VSTM2A: variants seen among roughly 807,000 people sequenced by gnomAD.
VSTM2A encodes the protein V-set and transmembrane domain containing 2A.
Under a neutral mutation model 27.3 loss-of-function variants are expected in VSTM2A, and 13 were observed. The ratio of observed to expected loss-of-function variants is 0.48; its 90% confidence interval spans 0.31 to 0.76. The LOEUF is 0.76. VSTM2A is among the 30% of genes least tolerant of loss of function. VSTM2A has a pLI of 0.05. For synonymous variants in VSTM2A, 142 were observed against 125.7 expected (o/e 1.13, Z -0.87); for missense variants, 280 against 310.0 (o/e 0.90, Z 0.73).
chr7:54,549,988 A>G lies in VSTM2A; in HGVS notation c.452A>G (p.Asn151Ser). 6.2e-7 allele frequency: 1 copy of G among 1,613,022 alleles called. No individual in the cohort carries two copies. The highest frequency in any genetic ancestry group is 8.5e-7 in the Non-Finnish European group (1 of 1,179,576). Reference protein sequence around the residue: ...KAQAYLKVNANSHARRMQAFE... With the variant: ...KAQAYLKVNASSHARRMQAFE... The stretch of plus-strand genomic sequence containing the variant: ...CAGGCCTATCTGAAAGTCAATGCCA[A>G]CAGCCATGCCCGCAGAATGCAGGCC... Residue 151 changes from asparagine (N) to serine (S), a missense_variant, in exon 4 of 5, where the codon AAC becomes AGC. By Grantham distance (46) the Asn-to-Ser change is conservative. Coordinates refer to ENST00000402613, the MANE Select transcript of VSTM2A (RefSeq NM_001301009.2).
intron 4 of VSTM2A, among the ~76,000 whole-genome samples, chr7:54,557,536 G>A (rs2115872153): frequency 6.6e-6 from 1 of 152,062 alleles, no homozygotes; most frequent in South Asian, 2.1e-4. Context: ...GTTTCACCAT[G>A]TTGGCCAGGC....
intron 4 of VSTM2A, among the ~76,000 whole-genome samples, chr7:54,564,092 G>A (rs951453100): frequency 2.6e-5 from 4 of 152,102 alleles, no homozygotes; most frequent in African/African-American, 9.7e-5. Context: ...ATGTTGAAGG[G>A]CCGCGTCTAC....
At chr7:54,544,853 G>A in intron 2 of VSTM2A, 65 bp downstream of exon 2, 1 of 1,496,726 alleles carries the variant, frequency 6.7e-7, no homozygotes, top group South Asian at 1.3e-5. Flanking sequence ...GTCCGGCCCG[G>A]GGCTGGGGGC....
At chr7:54,543,690 G>T (rs1177980076) in intron 1 of VSTM2A, among the ~76,000 whole-genome samples, 1 of 152,096 alleles carries the variant, frequency 6.6e-6, no homozygotes, top group Non-Finnish European at 1.5e-5. Context: ...GTGCATTGTG[G>T]TTGTGCATTT....
chr7:54,558,973 T>A (rs1584060493), intron 4 of VSTM2A: 1 of 151,992 alleles, frequency 6.6e-6, no homozygotes, highest in South Asian at 2.1e-4. Flanking sequence ...AAGTAAAGCA[T>A]CAAACAAGGA....
At chr7:54,563,602 G>A (rs528474257) in intron 4 of VSTM2A, among the ~76,000 whole-genome samples, 1 of 152,078 alleles carries the variant, frequency 6.6e-6, no homozygotes, top group African/African-American at 2.4e-5. Flanking sequence ...TGCAGAGCAG[G>A]GTTCTAAGCA....
At position 54,544,802 on chromosome 7, in the gene VSTM2A, C is replaced by G; in HGVS notation, c.246+14C>G. 1.3e-6 allele frequency: 2 copies of G among 1,586,346 alleles called. No homozygotes were observed. The highest frequency in any genetic ancestry group is 8.6e-7 in the Non-Finnish European group (1 of 1,166,568). On this transcript the variant is annotated intron_variant, in intron 2 of 4. Transcript: ENST00000402613. ...GCCGGCGCGCAGGTAGCGGAGCCCG[C>G]CGACCCCGCGTCTCCCCTTCGCTCG...
In VSTM2A at chr7:54,569,131, C is replaced by T; in HGVS notation, c.635C>T (p.Ala212Val). Residue 212 changes from alanine to valine, a missense_variant and splice_region_variant, in exon 5 of 5, where the codon GCA (alanine) becomes GTA (valine). Ala to Val is a moderately conservative substitution (Grantham distance 64). Transcript: ENST00000402613. Reference sequence around the variant, plus strand: ...CCAATATCACTTTCTCTTCTTAAAGCAAAGAGCAAATCGCCTGTAAAATCT... The same window carrying T: ...CCAATATCACTTTCTCTTCTTAAAGTAAAGAGCAAATCGCCTGTAAAATCT... ...AKIPKQSPQSAKSKSPVKSTE... is the reference protein window; with the variant it reads ...AKIPKQSPQSVKSKSPVKSTE... 1 of 1,566,872 alleles carries T rather than the reference C, an allele frequency of 6.4e-7. No homozygotes were observed. The highest frequency in any genetic ancestry group is 1.2e-5 in the South Asian group (1 of 85,286).
chr7:54,559,508 A>G (rs1788482157), intron 4 of VSTM2A: 1 of 152,196 alleles, frequency 6.6e-6, no homozygotes, highest in Non-Finnish European at 1.5e-5. Context: ...TAAAGGTTAC[A>G]GTGAATCAGA....
chr7:54,549,788 C>G (rs1234312318), intron 3 of VSTM2A, 46 bp from the exon 4 acceptor site: 20 of 1,489,896 alleles, frequency 1.3e-5, no homozygotes, highest in Non-Finnish European at 1.8e-5. Flanking sequence ...GGAACAAAAT[C>G]ATTTGATGTA....
chr7:54,543,521 A>T (rs182395236), intron 1 of VSTM2A, among the ~76,000 whole-genome samples: 20 of 151,696 alleles, frequency 1.3e-4, no homozygotes, highest in Admixed American at 1.2e-3. Context: ...TTAGGTACAA[A>T]TATAGTTTCA....
chr7:54,562,696 A>G (rs1788599875), intron 4 of VSTM2A, among the ~76,000 whole-genome samples: 1 of 152,154 alleles, frequency 6.6e-6, no homozygotes. Flanking sequence ...CGCTGAAAGG[A>G]CACCAGTGCA....
chr7:54,565,713 G>C (rs1275570273), intron 4 of VSTM2A, among the ~76,000 whole-genome samples: 1 of 152,202 alleles, frequency 6.6e-6, no homozygotes, highest in Non-Finnish European at 1.5e-5. Flanking sequence ...CCGCCAGACT[G>C]CGAGGCTGCC....
intron 4 of VSTM2A, chr7:54,559,195 T>C (rs1229690283): frequency 6.6e-6 from 1 of 152,114 alleles, no homozygotes; most frequent in Non-Finnish European, 1.5e-5. Flanking sequence ...AGGAATAATA[T>C]TGAATCCTCA....
At chr7:54,553,993 T>C in intron 4 of VSTM2A, 1 of 1,553,254 alleles carries the variant, frequency 6.4e-7, no homozygotes, top group Non-Finnish European at 8.7e-7. Context: ...CACAGAACTG[T>C]GAAGCGGCTT....
chr7:54,546,848 C>A, intron 2 of VSTM2A, 99 bp from the exon 3 acceptor site: 2 of 1,481,498 alleles, frequency 1.3e-6, no homozygotes, highest in Admixed American at 2.0e-5. Flanking sequence ...CCCAGGTCAC[C>A]CTGACGGCCC....
intron 4 of VSTM2A, chr7:54,557,958 T>C (rs1457289911): frequency 1.3e-5 from 2 of 152,196 alleles, no homozygotes. Context: ...GCTTGCTTTT[T>C]TTTCTTCTGT....
At chr7:54,561,619 A>G (rs1788564402) in intron 4 of VSTM2A, among the ~76,000 whole-genome samples, 1 of 152,198 alleles carries the variant, frequency 6.6e-6, no homozygotes, top group South Asian at 2.1e-4. Context: ...CTTGCGTCAA[A>G]TATTTCTAGT....
rs1788864897 is a variant in VSTM2A at position 54,570,637 on chromosome 7, G to A, written c.*1418G>A. The A allele has an allele frequency of 6.6e-6, 1 of 152,122 alleles. No individual in the cohort carries two copies. The highest frequency in any genetic ancestry group is 2.4e-5 in the African/African-American group (1 of 41,426). 9.4% of individuals were successfully genotyped at this position (152,122 alleles called of 1,614,324 possible). A position where few individuals can be genotyped will look rare whatever the true frequency, so the allele number is the denominator to read the frequency against. On this transcript the variant is annotated 3_prime_UTR_variant, in exon 5 of 5. Coordinates refer to ENST00000402613, the MANE Select transcript of VSTM2A (RefSeq NM_001301009.2). ...ATTCCATTCTTATTTATGTCTTTAT[G>A]ATAATTCAGACTATTTTATTTTGAA...
Sources: gnomAD v4.1 joint callset for allele counts (sites outside exome capture counted in the v4.1 genomes callset) on GRCh38, gnomAD v4.1.1 for gene constraint, MANE v1.5 for transcripts, NCBI Gene and HGNC (gene_info 2026-07-23, HGNC 2026-07-21) for gene names.